TRPM8: variants seen among roughly 807,000 people sequenced by gnomAD.
The protein encoded by TRPM8 is TRPM8 cationic channel.
In TRPM8, 110 loss-of-function variants were observed where a neutral mutation model predicts 133.7. The ratio of observed to expected loss-of-function variants is 0.82; its 90% CI spans 0.70 to 0.96. TRPM8 has a LOEUF of 0.96. Among genes scored for constraint, TRPM8 ranks in the 40% least tolerant of loss-of-function variants. TRPM8 has a pLI of 0.00. For missense variants in TRPM8, 1,291 were observed against 1,379.5 expected (o/e 0.94, Z 1.02); for synonymous variants, 535 against 532.3 (o/e 1.01, Z -0.07).
In TRPM8 at chr2:233,954,477, A is replaced by C. The variant is rs114940337; in HGVS notation, c.1243+458A>C. 5.3e-3 allele frequency among the ~76,000 whole-genome samples: 810 copies of C among 152,336 alleles called. 6 individuals carry two copies. The highest frequency in any genetic ancestry group is 0.018 in the African/African-American group (745 of 41,582). ...TTATGAATGAACCTCAGGTTAAAAA[A>C]TTCTCATTCATGATCTTTGCTGCTT... On this transcript the variant is annotated intron_variant, in intron 10 of 25. Coordinates refer to ENST00000324695, the MANE Select transcript of TRPM8 (RefSeq NM_024080.5).
chr2:233,999,595 C>T (rs1046062690), intron 22 of TRPM8, among the ~76,000 whole-genome samples: 5 of 151,586 alleles, frequency 3.3e-5, no homozygotes, highest in Non-Finnish European at 7.4e-5. Flanking sequence ...TCTGAGAATG[C>T]CTCCCCCACC....
intron 24 of TRPM8, among the ~76,000 whole-genome samples, chr2:234,010,942 A>G (rs1201152341): frequency 6.6e-6 from 1 of 151,974 alleles, no homozygotes; most frequent in Admixed American, 6.6e-5. Context: ...TATTTAATTT[A>G]TTGCTTCCTT....
chr2:233,937,752 G>C (rs902674997), intron 4 of TRPM8, among the ~76,000 whole-genome samples: 3 of 152,134 alleles, frequency 2.0e-5, no homozygotes, highest in African/African-American at 7.2e-5. Flanking sequence ...CCACACGCAA[G>C]GCAGGCATCC....
chr2:233,962,291 G>A (rs1312677802), intron 12 of TRPM8, among the ~76,000 whole-genome samples: 3 of 152,126 alleles, frequency 2.0e-5, no homozygotes, highest in Admixed American at 6.5e-5. Context: ...GCCCAGTAGC[G>A]TACAAATACC....
rs1356470082 is a variant in TRPM8, at chr2:234,017,570, T to C, written c.*314T>C. On this transcript the variant is annotated 3_prime_UTR_variant, in exon 26 of 26. Transcript: ENST00000324695. ...AAGTGTGTTCTTACCGCCTCCTTTT[T>C]CCTTTAATCTTATTTTTGATGAACA... 1 of 299,218 alleles carries C rather than the reference T, an allele frequency of 3.3e-6. No individual in the cohort carries two copies. The highest frequency in any genetic ancestry group is 6.6e-6 in the Non-Finnish European group (1 of 152,054). 18.5% of individuals were successfully genotyped at this position (299,218 alleles called of 1,614,324 possible).
At chr2:233,992,600 T>C (rs556160939) in intron 21 of TRPM8, among the ~76,000 whole-genome samples, 1 of 152,284 alleles carries the variant, frequency 6.6e-6, no homozygotes, top group South Asian at 2.1e-4. Flanking sequence ...CCTGCTCAGC[T>C]GGTTTCAGGA....
At chr2:233,949,368 G>A (rs1691121634) in intron 8 of TRPM8, among the ~76,000 whole-genome samples, 1 of 152,170 alleles carries the variant, frequency 6.6e-6, no homozygotes, top group South Asian at 2.1e-4. Context: ...GCTGTCCTCT[G>A]CAGTTGTTAC....
intron 11 of TRPM8, among the ~76,000 whole-genome samples, chr2:233,957,265 T>C (rs1266845519): frequency 6.6e-6 from 1 of 152,088 alleles, no homozygotes; most frequent in Non-Finnish European, 1.5e-5. Context: ...GCGAGAGGAT[T>C]GCTTGAGTCC....
At position 233,926,672 on chromosome 2, in the gene TRPM8, C is replaced by G. The variant is rs1308266095; in HGVS notation, c.117+18C>G. ...GTGAAAGCGTAAGTCATGCGCATCACCTGTTTGAAAGGTTATCATTGTAAC... is the reference window on the plus strand; with the variant it reads ...GTGAAAGCGTAAGTCATGCGCATCAGCTGTTTGAAAGGTTATCATTGTAAC... On this transcript the variant is annotated intron_variant, in intron 2 of 25. Transcript: ENST00000324695. 1 of 1,583,086 alleles carries G rather than the reference C, an allele frequency of 6.3e-7. No individual in the cohort carries two copies. Among genetic ancestry groups the G allele is most frequent in the Admixed American group, 1.7e-5 (1 of 59,934 alleles).
intron 8 of TRPM8, chr2:233,947,685 G>T: frequency 9.2e-7 from 1 of 1,083,890 alleles, no homozygotes. Flanking sequence ...GCAAGAATTT[G>T]ACTTCCCAGC....
chr2:233,994,001 T>C (rs879459696), intron 21 of TRPM8, among the ~76,000 whole-genome samples: 14 of 152,238 alleles, frequency 9.2e-5, no homozygotes, highest in Non-Finnish European at 2.1e-4. Flanking sequence ...ATTTCTTTTT[T>C]GGAAATACAA....
chr2:234,007,216 C>T (rs778090246), intron 23 of TRPM8, among the ~76,000 whole-genome samples: 2 of 152,146 alleles, frequency 1.3e-5, no homozygotes, highest in Non-Finnish European at 2.9e-5. Flanking sequence ...GCCTGCAGTG[C>T]AGGGCCATGG....
intron 17 of TRPM8, among the ~76,000 whole-genome samples, chr2:233,979,684 C>T (rs1010759363): frequency 2.0e-5 from 3 of 152,222 alleles, no homozygotes; most frequent in Admixed American, 6.5e-5. Context: ...TCTGTCCTCA[C>T]AGAAGTTATA....
At position 233,927,861 on chromosome 2, in the gene TRPM8, T is replaced by TTTCTTC. The variant is rs1198123872; in HGVS notation, c.117+1207_117+1208insTTCTTC. 6.6e-4 allele frequency among the ~76,000 whole-genome samples: 9 copies of TTTCTTC among 13,548 alleles called. 2 individuals carry two copies. The highest frequency in any genetic ancestry group is 5.0e-3 in the African/African-American group (8 of 1,588). The allele number at this position is 13,548 out of a possible 152,430, so 8.9% of individuals were successfully genotyped here. On this transcript the variant is annotated intron_variant, in intron 2 of 25. Transcript: ENST00000324695. ...CTTCCTTCCTTCCTTCCTTTCTTTC[T>TTTCTTC]CTTTCTTTCTTTCTTTCTTTCTTTC...
intron 21 of TRPM8, among the ~76,000 whole-genome samples, chr2:233,991,475 G>T (rs531984073): frequency 4.6e-5 from 7 of 152,148 alleles, no homozygotes; most frequent in Non-Finnish European, 8.8e-5. Flanking sequence ...CTGTCACCAC[G>T]GGCCATGGGG....
intron 17 of TRPM8, 182 bp from the exon 18 acceptor site, chr2:233,980,006 T>C (rs750716018): frequency 2.8e-5 from 17 of 597,086 alleles, no homozygotes; most frequent in Non-Finnish European, 5.0e-5. Context: ...TGCTACCTAC[T>C]TTCCAATCCT....
In TRPM8 at chr2:233,989,093, C is replaced by T. The variant is rs913873592; in HGVS notation, c.2939+3228C>T. ...GTTATGCTAACTTGGTAAATCTCAA[C>T]GAGGCACATGGTAAAATATTTAGAG... On this transcript the variant is annotated intron_variant, in intron 21 of 25. Transcript: ENST00000324695. This position sits in a 1 kb window ranked among gnomAD's most constrained non-coding sequence, Gnocchi z 4.2. 3.3e-5 allele frequency among the ~76,000 whole-genome samples: 5 copies of T among 152,156 alleles called. No individual in the cohort carries two copies. Among genetic ancestry groups the T allele is most frequent in the African/African-American group, 9.7e-5 (4 of 41,424 alleles).
At chr2:233,965,403 T>A (rs1691542641) in intron 14 of TRPM8, among the ~76,000 whole-genome samples, 1 of 152,260 alleles carries the variant, frequency 6.6e-6, no homozygotes, top group Non-Finnish European at 1.5e-5. Context: ...CTGGCATGTC[T>A]CAGGACGCCT....
intron 8 of TRPM8, 124 bp from the exon 9 acceptor site, chr2:233,949,825 C>A: frequency 5.4e-6 from 4 of 743,412 alleles, no homozygotes; most frequent in Non-Finnish European, 8.6e-6. Context: ...AAATAAAAGC[C>A]CCAAAGGAAA....
Sources: allele counts gnomAD v4.1 joint callset (sites outside exome capture counted in the v4.1 genomes callset), GRCh38; gene constraint gnomAD v4.1.1; non-coding constraint Gnocchi (gnomAD v3.1); transcripts MANE v1.5; gene names NCBI Gene and HGNC (gene_info 2026-07-23, HGNC 2026-07-21).